Variants in MPP7 observed in about 807,000 individuals in gnomAD.
MPP7 encodes the protein MAGUK p55 scaffold protein 7, also known as MAGUK p55 subfamily member 7.
A neutral mutation model predicts 76.5 loss-of-function variants in MPP7; 60 were observed. The ratio of observed to expected loss-of-function variants is 0.78; its 90% confidence interval spans 0.64 to 0.97. MPP7 has a LOEUF of 0.97. Ranked by LOEUF, MPP7 falls within the 50% of genes least tolerant of loss-of-function variation. MPP7 has a pLI of 0.00. For synonymous variants in MPP7, 237 were observed against 244.5 expected (o/e 0.97, Z 0.29); for missense variants, 641 against 694.0 (o/e 0.92, Z 0.86).
chr10:28,117,621 CAT>C (rs1353654729), intron 11 of MPP7, among the ~76,000 whole-genome samples: 1 of 152,008 alleles, frequency 6.6e-6, no homozygotes, highest in Non-Finnish European at 1.5e-5. Flanking sequence ...ATCATCAAAA[CAT>C]AGGTTAAAGT....
intron 11 of MPP7, among the ~76,000 whole-genome samples, chr10:28,100,854 C>T (rs1853789483): frequency 1.3e-5 from 2 of 151,988 alleles, no homozygotes; most frequent in African/African-American, 2.4e-5. Flanking sequence ...ACTTACAATT[C>T]GTTTTTAAAG....
At chr10:28,093,930 G>A (rs1432794583) in intron 11 of MPP7, among the ~76,000 whole-genome samples, 1 of 152,186 alleles carries the variant, frequency 6.6e-6, no homozygotes, top group African/African-American at 2.4e-5. Flanking sequence ...CTGAATGGAA[G>A]TAATTTTAAA....
chr10:28,278,375 T>G (rs1840566737), intron 1 of MPP7, among the ~76,000 whole-genome samples: 1 of 152,066 alleles, frequency 6.6e-6, no homozygotes, highest in Non-Finnish European at 1.5e-5. Context: ...CCACCAAACA[T>G]CAGACTTTCG....
chr10:28,281,211 C>CT (rs1219682421), intron 1 of MPP7, among the ~76,000 whole-genome samples: 2 of 151,932 alleles, frequency 1.3e-5, no homozygotes, highest in Non-Finnish European at 2.9e-5. Flanking sequence ...CCCCAAGTAG[C>CT]TGGGATTACC....
At chr10:28,218,479 A>T (rs1350260988) in intron 2 of MPP7, among the ~76,000 whole-genome samples, 1 of 152,178 alleles carries the variant, frequency 6.6e-6, no homozygotes, top group Admixed American at 6.5e-5. Context: ...GACAGGTAAA[A>T]GATTGGCTAA....
intron 3 of MPP7, among the ~76,000 whole-genome samples, chr10:28,190,428 G>A (rs1837377044): frequency 6.6e-6 from 1 of 152,128 alleles, no homozygotes; most frequent in South Asian, 2.1e-4. Context: ...CACATCCTGG[G>A]CCATTAAACA....
chr10:28,227,141 G>C (rs1029989213), intron 2 of MPP7, among the ~76,000 whole-genome samples: 16 of 152,244 alleles, frequency 1.1e-4, no homozygotes, highest in African/African-American at 3.9e-4. Context: ...GTAGTGACAA[G>C]GACAAGAGTA....
intron 3 of MPP7, among the ~76,000 whole-genome samples, chr10:28,190,692 T>C (rs149290081): frequency 9.7e-4 from 147 of 152,088 alleles, no homozygotes; most frequent in African/African-American, 3.4e-3. Context: ...ACTGAAAGAA[T>C]ACATTCAAAA....
intron 1 of MPP7, among the ~76,000 whole-genome samples, chr10:28,332,219 G>A (rs1223541656): frequency 1.4e-5 from 2 of 145,042 alleles, no homozygotes; most frequent in South Asian, 2.2e-4. Flanking sequence ...TTTGAGACAC[G>A]TACATTGCCA....
At chr10:28,325,153 T>C (rs1478844261) in intron 2 of MPP7, among the ~76,000 whole-genome samples, 3 of 152,256 alleles carry the variant, frequency 2.0e-5, no homozygotes, top group Admixed American at 6.5e-5. Context: ...CTTGGCCTCC[T>C]AAAGTTCTGG....
chr10:28,307,157 A>G (rs548850797), upstream of MPP7, among the ~76,000 whole-genome samples: 2 of 152,308 alleles, frequency 1.3e-5, no homozygotes, highest in Non-Finnish European at 2.9e-5. Flanking sequence ...ATCGCCAGTC[A>G]ATGAGGCTTC....
At chr10:28,208,426 C>T (rs760168692) in intron 2 of MPP7, among the ~76,000 whole-genome samples, 2 of 152,166 alleles carry the variant, frequency 1.3e-5, no homozygotes, top group African/African-American at 4.8e-5. Context: ...CAAGCAAACA[C>T]CCCCTCCAGT....
chr10:28,128,954 T>C (rs1391021568), intron 6 of MPP7, among the ~76,000 whole-genome samples: 1 of 152,210 alleles, frequency 6.6e-6, no homozygotes, highest in Non-Finnish European at 1.5e-5. Flanking sequence ...CAGAGATAAG[T>C]GCCCTGATAG....
chr10:28,176,805 C>T (rs559456810), intron 3 of MPP7, among the ~76,000 whole-genome samples: 36 of 142,256 alleles, frequency 2.5e-4, no homozygotes, highest in Non-Finnish European at 5.0e-4. Context: ...CATGTTCTCA[C>T]TCATAGGTGG....
At chr10:28,270,427 T>C (rs1840284229) in intron 1 of MPP7, among the ~76,000 whole-genome samples, 1 of 151,516 alleles carries the variant, frequency 6.6e-6, no homozygotes, top group East Asian at 1.9e-4. Flanking sequence ...GGCACCCACC[T>C]GTAGTCCCAG....
chr10:28,263,770 C>T (rs867322224), intron 1 of MPP7, among the ~76,000 whole-genome samples: 27 of 152,192 alleles, frequency 1.8e-4, no homozygotes, highest in Middle Eastern at 6.8e-3. Context: ...GTGAAACATC[C>T]GACACATGTG....
rs147117842 is a variant in MPP7 at position 28,218,236 on chromosome 10, G to A, written c.38-15965C>T. ...TAAAATCGGACGCTGGAAAGGAGTC[G>A]GGGGTAGGGCAGCGGTGGTAGAGAG... is the stretch of plus-strand genomic sequence containing the variant. On this transcript the variant is annotated intron_variant, in intron 2 of 16. Coordinates refer to ENST00000683449, the MANE Select transcript of MPP7 (RefSeq NM_001318170.2). Among the ~76,000 whole-genome samples the A allele has an allele frequency of 4.0e-3, 613 of 152,250 alleles. 2 individuals carry two copies. Among genetic ancestry groups the A allele is most frequent in the Non-Finnish European group, 4.5e-3 (303 of 68,022 alleles).
At chr10:28,068,133 A>G (rs1320194619) in intron 13 of MPP7, among the ~76,000 whole-genome samples, 4 of 152,068 alleles carry the variant, frequency 2.6e-5, no homozygotes, top group African/African-American at 4.8e-5. Context: ...CTTAAAAATT[A>G]TTTTGTAAAA....
intron 1 of MPP7, among the ~76,000 whole-genome samples, chr10:28,289,066 G>A (rs1350644820): frequency 1.3e-5 from 2 of 152,178 alleles, no homozygotes; most frequent in Non-Finnish European, 2.9e-5. Context: ...TTGGGAGGCC[G>A]AGGTGGGCGG....
Sources: gnomAD v4.1 joint callset for allele counts (sites outside exome capture counted in the v4.1 genomes callset) on GRCh38, gnomAD v4.1.1 for gene constraint, MANE v1.5 for transcripts, NCBI Gene and HGNC (gene_info 2026-07-23, HGNC 2026-07-21) for gene names.